Variants in PGAP4 observed in about 807,000 individuals in gnomAD.
PGAP4 encodes post-GPI attachment to proteins GalNAc transferase 4, also known as GPI-N-acetylgalactosamine transferase PGAP4.
A neutral mutation model predicts 28.2 loss-of-function variants in PGAP4; 12 were observed. That is an observed-to-expected ratio of 0.42 (90% CI 0.27 to 0.69). PGAP4 has a LOEUF of 0.69. Ranked by LOEUF, PGAP4 falls within the 30% of genes least tolerant of loss-of-function variation. The probability of loss-of-function intolerance (pLI) is 0.22; values close to 1 mark genes in which losing one functional copy is unlikely to be tolerated. For missense variants in PGAP4, 425 were observed against 513.5 expected (o/e 0.83, Z 1.67); for synonymous variants, 205 against 211.8 (o/e 0.97, Z 0.28).
intron 2 of PGAP4, among the ~76,000 whole-genome samples, chr9:101,499,433 T>C (rs748410548): frequency 4.6e-5 from 7 of 151,912 alleles, no homozygotes; most frequent in Non-Finnish European, 7.4e-5. Context: ...TATTTGGGAA[T>C]AGAACATTGC....
At chr9:101,504,422 T>A (rs1344506071) in intron 2 of PGAP4, among the ~76,000 whole-genome samples, 1 of 151,874 alleles carries the variant, frequency 6.6e-6, no homozygotes, top group African/African-American at 2.4e-5. Context: ...GAAACTTTAT[T>A]TTTAACAATT....
intron 2 of PGAP4, among the ~76,000 whole-genome samples, chr9:101,505,344 T>C (rs1826841069): frequency 1.3e-5 from 2 of 152,196 alleles, no homozygotes; most frequent in South Asian, 4.1e-4. Flanking sequence ...CAGAATTGGA[T>C]GCATATTTTA....
chr9:101,520,091 C>T (rs1008634101), intron 2 of PGAP4, among the ~76,000 whole-genome samples: 1 of 152,060 alleles, frequency 6.6e-6, no homozygotes, highest in African/African-American at 2.4e-5. Context: ...ATTTTTGTAC[C>T]AGTGCCGTGC....
At chr9:101,513,751 G>C (rs962440475) in intron 2 of PGAP4, among the ~76,000 whole-genome samples, 2 of 152,168 alleles carry the variant, frequency 1.3e-5, no homozygotes, top group African/African-American at 4.8e-5. Context: ...TATGGAGACA[G>C]GGAAGTCTCA....
chr9:101,527,235 T>C (rs910610701), intron 2 of PGAP4, among the ~76,000 whole-genome samples: 2 of 152,228 alleles, frequency 1.3e-5, no homozygotes, highest in African/African-American at 4.8e-5. Flanking sequence ...TCTAGGTAAC[T>C]GCATTAGTCA....
chr9:101,484,549 G>A (rs1439249930), intron 1 of PGAP4, among the ~76,000 whole-genome samples: 3 of 152,108 alleles, frequency 2.0e-5, no homozygotes, highest in Admixed American at 6.5e-5. Context: ...TCTTTGGAAG[G>A]TAATCAGGTC....
chr9:101,496,768 T>C (rs1176734110), intron 2 of PGAP4, among the ~76,000 whole-genome samples: 1 of 150,996 alleles, frequency 6.6e-6, no homozygotes, highest in South Asian at 2.1e-4. Flanking sequence ...TACAAAGTTA[T>C]TGCTTTAGCT....
chr9:101,490,377 C>T (rs1288348893), upstream of PGAP4, among the ~76,000 whole-genome samples: 2 of 151,622 alleles, frequency 1.3e-5, no homozygotes, highest in African/African-American at 4.8e-5. Flanking sequence ...TTTAGTAGAG[C>T]TGGGGTTTCA....
At chr9:101,503,833 G>T (rs914751186) in intron 2 of PGAP4, among the ~76,000 whole-genome samples, 10 of 152,062 alleles carry the variant, frequency 6.6e-5, no homozygotes, top group African/African-American at 2.2e-4. Flanking sequence ...AGAAGAGTTT[G>T]CTATGTTTCC....
At chr9:101,518,278 C>T (rs867059696) in intron 2 of PGAP4, among the ~76,000 whole-genome samples, 4 of 152,072 alleles carry the variant, frequency 2.6e-5, no homozygotes, top group Non-Finnish European at 5.9e-5. Flanking sequence ...TTTATCCAGT[C>T]CATCGATCTT....
At chr9:101,521,435 C>G (rs1034893037) in intron 2 of PGAP4, among the ~76,000 whole-genome samples, 1 of 152,068 alleles carries the variant, frequency 6.6e-6, no homozygotes, top group Non-Finnish European at 1.5e-5. Context: ...CTGATTTAAG[C>G]TAGGAGGGCT....
At position 101,475,300 on chromosome 9, in the gene PGAP4, G is replaced by A. The variant is rs562427859; in HGVS notation, c.*581C>T. ...GATATATAGGAAAAGAAAATCCCAG[G>A]TAACAGAAAAGCCAGATCACCTGCC... On this transcript the variant is annotated 3_prime_UTR_variant, in exon 2 of 2. Coordinates refer to ENST00000374848, the MANE Select transcript of PGAP4 (RefSeq NM_032342.3). 523 of 156,822 alleles carry A rather than the reference G, an allele frequency of 3.3e-3. 10 individuals are homozygous for A. In the Middle Eastern group the frequency reaches 0.037, roughly 11 times the overall value. 9.7% of individuals were successfully genotyped at this position (156,822 alleles called of 1,614,324 possible).
rs574212445 is a variant in PGAP4, at chr9:101,520,639, G to A, written c.-165+10709C>T. On this transcript the variant is annotated intron_variant, in intron 2 of 3. Coordinates refer to the PGAP4 transcript ENST00000374851. ...CTGGAGAAGTCCTTAGGGTTTTCAA[G>A]GTAAATGATCATATCGTCAGCAAAC... Among the ~76,000 whole-genome samples the A allele has an allele frequency of 2.0e-5, 3 of 152,180 alleles. No individual in the cohort carries two copies. In the South Asian group the frequency reaches 6.2e-4, roughly 32 times the overall value.
At chr9:101,513,475 T>A (rs1164025291) in intron 2 of PGAP4, among the ~76,000 whole-genome samples, 10 of 152,170 alleles carry the variant, frequency 6.6e-5, no homozygotes. Flanking sequence ...TCCACACACT[T>A]GAATTTTTAA....
intron 2 of PGAP4, among the ~76,000 whole-genome samples, chr9:101,508,925 A>T (rs560563984): frequency 6.6e-6 from 1 of 152,218 alleles, no homozygotes; most frequent in South Asian, 2.1e-4. Flanking sequence ...ACCCTGTTTC[A>T]CAAAGGTAGG....
Position 101,473,722 on chromosome 9 carries a change from C to G in PGAP4, c.*2159G>C, listed in dbSNP as rs1452079581. On this transcript the variant is annotated 3_prime_UTR_variant, in exon 2 of 2. Transcript: ENST00000374848. ...CCAGCAGTGCTTCCCTATCTTGGGC[C>G]TGGCTAGCTTAAAGGGGCTCTACTG... 1 of 152,230 alleles carries G rather than the reference C, an allele frequency of 6.6e-6. No homozygotes were observed. Among genetic ancestry groups the G allele is most frequent in the Non-Finnish European group, 1.5e-5 (1 of 68,094 alleles). The allele number at this position is 152,230 out of a possible 1,614,324, so 9.4% of individuals were successfully genotyped here.
upstream of PGAP4, among the ~76,000 whole-genome samples, chr9:101,488,754 C>T (rs1452130907): frequency 2.0e-5 from 3 of 152,156 alleles, no homozygotes; most frequent in Non-Finnish European, 4.4e-5. Context: ...ATCAGTCCCT[C>T]AGTAGCACTA....
At chr9:101,524,382 A>C (rs1428370286) in intron 2 of PGAP4, among the ~76,000 whole-genome samples, 1 of 151,910 alleles carries the variant, frequency 6.6e-6, no homozygotes, top group Non-Finnish European at 1.5e-5. Context: ...ATGGCTTGAA[A>C]ACCGGCCCCA....
rs781014841 is a variant in PGAP4 at position 101,475,986 on chromosome 9, C to A, written c.1107G>T (p.Leu369=). 2.5e-6 allele frequency: 4 copies of A among 1,614,096 alleles called. No individual in the cohort carries two copies. In the African/African-American group the frequency reaches 5.3e-5, roughly 22 times the overall value. ...AGGCCCTCTCTCCCTTGGCCCTCAA[C>A]AGCGAGTACAGTGCCATGTCCTTGC... The part of the protein sequence containing the change: ...GFGKDMALYS[L]LRAKGERAYV... The change falls in exon 2 of 2, where the codon CTG becomes CTT. Residue 369 remains leucine, a synonymous_variant. Coordinates refer to ENST00000374848, the MANE Select transcript of PGAP4 (RefSeq NM_032342.3).
Sources: allele counts gnomAD v4.1 joint callset (sites outside exome capture counted in the v4.1 genomes callset), GRCh38; gene constraint gnomAD v4.1.1; transcripts MANE v1.5; gene names NCBI Gene and HGNC (gene_info 2026-07-23, HGNC 2026-07-21).